The following MGAT5 variants were observed in gnomAD, a reference collection of about 807,000 sequenced individuals.
MGAT5 encodes alpha-1,6-mannosylglycoprotein 6-beta-N-acetylglucosaminyltransferase A.
In MGAT5, 30 loss-of-function variants were observed where a neutral mutation model predicts 94.3. The ratio of observed to expected loss-of-function variants is 0.32; its 90% CI spans 0.24 to 0.43. The LOEUF is 0.43. MGAT5 is among the 20% of genes least tolerant of loss of function. The probability of loss-of-function intolerance (pLI) is 1.00; values close to 1 mark genes in which losing one functional copy is unlikely to be tolerated. For synonymous variants in MGAT5, 310 were observed against 322.9 expected (o/e 0.96, Z 0.43); for missense variants, 691 against 905.5 (o/e 0.76, Z 3.04).
At chr2:134,297,030 T>C (rs1685714523) in intron 2 of MGAT5, among the ~76,000 whole-genome samples, 1 of 151,634 alleles carries the variant, frequency 6.6e-6, no homozygotes, top group Non-Finnish European at 1.5e-5. Flanking sequence ...GAGACCCCAT[T>C]ATCTACAAAA....
At chr2:134,447,231 G>A (rs1685837278) in intron 15 of MGAT5, among the ~76,000 whole-genome samples, 1 of 152,134 alleles carries the variant, frequency 6.6e-6, no homozygotes, top group African/African-American at 2.4e-5. Context: ...CGTGTCAGCA[G>A]AAAAATGAGA....
rs550829441 is a variant in MGAT5, at chr2:134,225,571, TTTTTACCTTTCTGTGGGTATTCACG to T, written c.-142-28688_-142-28664del. Among the ~76,000 whole-genome samples the T allele has an allele frequency of 6.9e-4, 105 of 152,358 alleles. 2 individuals carry two copies. In the East Asian group the frequency reaches 0.012, roughly 18 times the overall value. ...TCCATATGTCAGTATGTGATTTGGT[TTTTTACCTTTCTGTGGGTATTCACG>T]TTCAAGTGTATAGATCAGGAAAAGA... On this transcript the variant is annotated intron_variant, in intron 1 of 16. Coordinates refer to the MGAT5 transcript ENST00000409645.
chr2:134,425,510 T>A (rs1684529914), intron 13 of MGAT5, among the ~76,000 whole-genome samples: 1 of 152,104 alleles, frequency 6.6e-6, no homozygotes, highest in African/African-American at 2.4e-5. Flanking sequence ...GATGACCTAG[T>A]TTACTTTGAA....
At chr2:134,442,025 G>A in intron 15 of MGAT5, 110 bp downstream of exon 15, 1 of 1,274,084 alleles carries the variant, frequency 7.8e-7, no homozygotes, top group Non-Finnish European at 1.1e-6. Flanking sequence ...TGGGCTGTGG[G>A]GATAAGGTGT....
chr2:134,408,894 TAAAC>T (rs1330487612), intron 11 of MGAT5, among the ~76,000 whole-genome samples: 6 of 152,290 alleles, frequency 3.9e-5, no homozygotes, highest in Admixed American at 2.0e-4. Flanking sequence ...TGTATAAAAA[TAAAC>T]AAGCAAAGCT....
chr2:134,441,326 G>A (rs1016048611), intron 14 of MGAT5, among the ~76,000 whole-genome samples: 1 of 152,124 alleles, frequency 6.6e-6, no homozygotes, highest in Non-Finnish European at 1.5e-5. Context: ...TAGACACAGT[G>A]CCTTTGGAAT....
chr2:134,169,448 A>G (rs1345529648), intron 1 of MGAT5, among the ~76,000 whole-genome samples: 1 of 151,642 alleles, frequency 6.6e-6, no homozygotes, highest in Non-Finnish European at 1.5e-5. Context: ...ACATATATAA[A>G]AGATTGAATT....
chr2:134,388,883 C>G (rs1363180051), intron 10 of MGAT5, among the ~76,000 whole-genome samples: 4 of 151,248 alleles, frequency 2.6e-5, no homozygotes, highest in African/African-American at 4.9e-5. Context: ...GCCTCAGCCT[C>G]CTGGGTAGCT....
Position 134,265,594 on chromosome 2 carries a change from G to A in MGAT5, c.242-4792G>A, listed in dbSNP as rs557662950. ...AATGTTTTTCAACTACTTTGATCTC[G>A]TCTTCATCATGTACAGTAAGTTTTA... On this transcript the variant is annotated intron_variant, in intron 1 of 15. Coordinates refer to ENST00000281923, the MANE Select transcript of MGAT5 (RefSeq NM_002410.5). 2.9e-4 allele frequency among the ~76,000 whole-genome samples: 44 copies of A among 152,250 alleles called. No individual in the cohort carries two copies. The East Asian group carries it at 3.7e-3, about 13-fold the overall frequency.
intron 1 of MGAT5, among the ~76,000 whole-genome samples, chr2:134,269,795 ATATT>A (rs1683918034): frequency 6.6e-6 from 1 of 152,242 alleles, no homozygotes; most frequent in African/African-American, 2.4e-5. Context: ...AGCTTAATAA[ATATT>A]TGTGAGCAAA....
At chr2:134,226,370 GAC>G (rs1681064271) in intron 1 of MGAT5, among the ~76,000 whole-genome samples, 1 of 152,186 alleles carries the variant, frequency 6.6e-6, no homozygotes, top group Non-Finnish European at 1.5e-5. Flanking sequence ...ATGGAACAAA[GAC>G]TATGTGGGAA....
chr2:134,217,705 C>G (rs111650681), intron 1 of MGAT5, among the ~76,000 whole-genome samples: 2,323 of 152,306 alleles, frequency 0.015, 24 homozygotes, highest in Middle Eastern at 0.048. Context: ...TGGGGCTCAC[C>G]TCCTGCTGTG....
Position 134,349,908 on chromosome 2 carries a change from C to G in MGAT5, c.1216C>G (p.Leu406Val). ...CAAGACCCCTTGGGGAAAATGGAAT[C>G]TGAACCCTCAGCAGTTTTATACCAT... is the stretch of plus-strand genomic sequence containing the variant. ...GHKTPWGKWN[L>V]NPQQFYTMFP... The change falls in exon 9 of 16, where the codon CTG (leucine) becomes GTG (valine). Residue 406 changes from leucine (L) to valine (V), a missense_variant. Coordinates refer to ENST00000281923, the MANE Select transcript of MGAT5 (RefSeq NM_002410.5). 6.2e-7 allele frequency: 1 copy of G among 1,613,438 alleles called. No homozygotes were observed. Among genetic ancestry groups the G allele is most frequent in the Non-Finnish European group, 8.5e-7 (1 of 1,179,608 alleles).
chr2:134,448,730 G>A lies in MGAT5; in HGVS notation c.2109G>A (p.Val703=). ...TTGACCCTAAGAATAAGCACTGTGT[G>A]TTTCAAGGTGACCTCCTGCTCTTCA... is the stretch of plus-strand genomic sequence containing the variant. ...PSFDPKNKHC[V]FQGDLLLFSC... is the part of the protein sequence containing the mutation. Residue 703 remains valine, a synonymous_variant, in exon 16 of 16, where the codon GTG becomes GTA. Transcript: ENST00000281923. The A allele has an allele frequency of 6.2e-7, 1 of 1,614,240 alleles. No homozygotes were observed. The highest frequency in any genetic ancestry group is 8.5e-7 in the Non-Finnish European group (1 of 1,180,044).
chr2:134,225,473 C>T (rs1573560284), intron 1 of MGAT5, among the ~76,000 whole-genome samples: 1 of 151,950 alleles, frequency 6.6e-6, no homozygotes, highest in Non-Finnish European at 1.5e-5. Context: ...ATGGTCTTGC[C>T]GTGTTTTAGT....
intron 1 of MGAT5, among the ~76,000 whole-genome samples, chr2:134,150,304 C>A (rs919562190): frequency 6.6e-6 from 1 of 152,192 alleles, no homozygotes; most frequent in African/African-American, 2.4e-5. Flanking sequence ...CCCTCTGGAT[C>A]ATGATGCTAT....
At chr2:134,120,570 C>T (rs1049058791) in intron 1 of MGAT5, among the ~76,000 whole-genome samples, 2 of 151,972 alleles carry the variant, frequency 1.3e-5, no homozygotes, top group East Asian at 3.9e-4. Context: ...GAGGCTGAAC[C>T]CCCCCCGCCC....
At chr2:134,338,809 G>A (rs951924649) in intron 6 of MGAT5, among the ~76,000 whole-genome samples, 1 of 152,142 alleles carries the variant, frequency 6.6e-6, no homozygotes, top group African/African-American at 2.4e-5. Flanking sequence ...TAGCCAGTGA[G>A]TTTCATTGTT....
chr2:134,178,251 G>T (rs1688571498), intron 1 of MGAT5, among the ~76,000 whole-genome samples: 1 of 152,138 alleles, frequency 6.6e-6, no homozygotes, highest in Non-Finnish European at 1.5e-5. Flanking sequence ...ACTAGACTAG[G>T]CATTTCTAAC....
Sources: allele counts gnomAD v4.1 joint callset (sites outside exome capture counted in the v4.1 genomes callset), GRCh38; gene constraint gnomAD v4.1.1; transcripts MANE v1.5; gene names NCBI Gene and HGNC (gene_info 2026-07-23, HGNC 2026-07-21).